Variants in NTRK3 observed in about 807,000 individuals in gnomAD.
NTRK3 encodes the protein neurotrophic receptor tyrosine kinase 3.
Under a neutral mutation model 91.7 loss-of-function variants are expected in NTRK3, and 24 were observed. The observed-to-expected ratio is 0.26, with a 90% CI of 0.19 to 0.37. NTRK3 has a LOEUF of 0.37. NTRK3 is among the 10% of genes least tolerant of loss of function. NTRK3 has a pLI of 1.00. For synonymous variants in NTRK3, 483 were observed against 404.0 expected (o/e 1.20, Z -2.34); for missense variants, 880 against 1,068.9 (o/e 0.82, Z 2.46).
At chr15:87,866,848 G>A in exon 19 of NTRK3, 1 of 205,454 alleles carries the variant, frequency 4.9e-6, no homozygotes, top group Non-Finnish European at 1.0e-5. Context: ...CTGCAAATCT[G>A]TGTGTCAATA....
chr15:88,230,778 A>C (rs2051114530), intron 3 of NTRK3, among the ~76,000 whole-genome samples: 1 of 152,216 alleles, frequency 6.6e-6, no homozygotes, highest in South Asian at 2.1e-4. Flanking sequence ...ATGTCTTTTA[A>C]GCCAATATTA....
At chr15:88,228,942 C>T (rs1211381355) in intron 3 of NTRK3, among the ~76,000 whole-genome samples, 1 of 152,082 alleles carries the variant, frequency 6.6e-6, no homozygotes, top group African/African-American at 2.4e-5. Context: ...TGTGGGGGGA[C>T]CTCTGGGGAG....
At chr15:88,058,649 C>T (rs902927664) in intron 13 of NTRK3, among the ~76,000 whole-genome samples, 17 of 152,182 alleles carry the variant, frequency 1.1e-4, no homozygotes, top group Non-Finnish European at 1.8e-4. Context: ...ATCCGGCTAA[C>T]CCAGCAGAAG....
At chr15:87,920,840 C>T (rs1386055196) in intron 17 of NTRK3, among the ~76,000 whole-genome samples, 1 of 152,170 alleles carries the variant, frequency 6.6e-6, no homozygotes, top group Non-Finnish European at 1.5e-5. Context: ...CCCCTCACCC[C>T]TGCTTTGACC....
intron 17 of NTRK3, 80 bp downstream of exon 17, chr15:87,929,111 G>T (rs1433123394): frequency 6.2e-7 from 1 of 1,606,764 alleles, no homozygotes; most frequent in Non-Finnish European, 8.5e-7. Flanking sequence ...AGAGTGACAG[G>T]GTTAATGGAC....
intron 5 of NTRK3, among the ~76,000 whole-genome samples, chr15:88,170,122 GGTATTAAT>G (rs1339080274): frequency 6.6e-6 from 1 of 152,070 alleles, no homozygotes; most frequent in Non-Finnish European, 1.5e-5. Context: ...GTTCCTGGAG[GGTATTAAT>G]GTATTAATGT....
intron 14 of NTRK3, among the ~76,000 whole-genome samples, chr15:87,945,875 C>T (rs982138317): frequency 6.6e-6 from 1 of 151,344 alleles, no homozygotes; most frequent in South Asian, 2.1e-4. Flanking sequence ...TAATTGAATC[C>T]TATCCTCTCC....
chr15:88,210,401 G>T (rs559848886), intron 3 of NTRK3, among the ~76,000 whole-genome samples: 1 of 152,296 alleles, frequency 6.6e-6, no homozygotes, highest in South Asian at 2.1e-4. Flanking sequence ...ACCCAAAAAA[G>T]CCCTAGCCTC....
In NTRK3 at chr15:87,886,697, T is replaced by C. The variant is rs187360437; in HGVS notation, c.2134-6269A>G. The stretch of plus-strand genomic sequence containing the variant: ...TTTGCTATATATATATATATATATA[T>C]ATACATATATACACACACACACATA... On this transcript the variant is annotated intron_variant, in intron 17 of 18. Transcript: ENST00000394480. 2.0e-3 allele frequency among the ~76,000 whole-genome samples: 266 copies of C among 135,842 alleles called. 9 individuals are homozygous for C. The highest frequency in any genetic ancestry group is 3.8e-3 in the Middle Eastern group (1 of 266). The allele number at this position is 135,842 out of a possible 152,430, so 89.1% of individuals were successfully genotyped here. A position where few individuals can be genotyped will look rare whatever the true frequency, so the allele number is the denominator to read the frequency against.
chr15:88,238,322 C>G (rs185052656), intron 3 of NTRK3, among the ~76,000 whole-genome samples: 1 of 152,096 alleles, frequency 6.6e-6, no homozygotes, highest in South Asian at 2.1e-4. Context: ...GTATAATAAT[C>G]TTTTTATCGC....
chr15:87,995,611 G>C (rs1301793531), intron 14 of NTRK3, among the ~76,000 whole-genome samples: 2 of 152,208 alleles, frequency 1.3e-5, no homozygotes, highest in Non-Finnish European at 2.9e-5. Context: ...GGTGAGTCTT[G>C]AAGGATTTCA....
intron 5 of NTRK3, among the ~76,000 whole-genome samples, chr15:88,152,053 C>T (rs1408511555): frequency 6.6e-6 from 1 of 152,210 alleles, no homozygotes; most frequent in Non-Finnish European, 1.5e-5. Flanking sequence ...GTAATCCCAG[C>T]ACTTTGGGAG....
chr15:87,860,142 C>T (rs1567041432), exon 19 of NTRK3: 1 of 219,824 alleles, frequency 4.5e-6, no homozygotes, highest in Non-Finnish European at 9.1e-6. Flanking sequence ...TCTGCCCCCA[C>T]ATTTAACTTC....
At chr15:88,124,033 G>C (rs1367525500) in intron 13 of NTRK3, among the ~76,000 whole-genome samples, 1 of 152,138 alleles carries the variant, frequency 6.6e-6, no homozygotes, top group Non-Finnish European at 1.5e-5. Flanking sequence ...TGAGAAGAGG[G>C]ATGCATTCGG....
intron 14 of NTRK3, among the ~76,000 whole-genome samples, chr15:88,018,693 G>A (rs1227603135): frequency 1.3e-5 from 2 of 152,062 alleles, no homozygotes; most frequent in African/African-American, 4.8e-5. Context: ...CTGTGCCTCA[G>A]TTTCCTCACC....
chr15:88,097,845 T>C (rs778632778), intron 13 of NTRK3, among the ~76,000 whole-genome samples: 34 of 152,246 alleles, frequency 2.2e-4, no homozygotes, highest in Non-Finnish European at 4.1e-4. Context: ...GGTGCCAAGA[T>C]GTAAACAGTG....
chr15:88,161,583 G>T (rs975953981), intron 5 of NTRK3, among the ~76,000 whole-genome samples: 3 of 152,184 alleles, frequency 2.0e-5, no homozygotes, highest in African/African-American at 7.2e-5. Flanking sequence ...TGGACTAACT[G>T]GGACCATGTG....
At position 88,166,691 on chromosome 15, in the gene NTRK3, A is replaced by G. The variant is rs76908158; in HGVS notation, c.395+16727T>C. Among the ~76,000 whole-genome samples, 973 of 152,294 alleles carry G rather than the reference A, an allele frequency of 6.4e-3. 13 individuals are homozygous for G. Among genetic ancestry groups the G allele is most frequent in the African/African-American group, 0.022 (919 of 41,556 alleles). ...GTTGGACTCCTGACCACCCTCAGAG[A>G]GGTGACCTGGTCTTTATATCAGTTA... On this transcript the variant is annotated intron_variant, in intron 5 of 18. Transcript: ENST00000394480.
intron 17 of NTRK3, among the ~76,000 whole-genome samples, chr15:87,910,867 G>T (rs1207931107): frequency 3.3e-5 from 5 of 152,156 alleles, no homozygotes; most frequent in Non-Finnish European, 4.4e-5. Flanking sequence ...TTCAGGAAGG[G>T]TTAGACTTGA....
Sources: allele counts gnomAD v4.1 joint callset (sites outside exome capture counted in the v4.1 genomes callset), GRCh38; gene constraint gnomAD v4.1.1; transcripts MANE v1.5; gene names NCBI Gene and HGNC (gene_info 2026-07-23, HGNC 2026-07-21).